Variants in C11orf65 observed in about 807,000 individuals in gnomAD.
C11orf65 encodes the protein chromosome 11 open reading frame 65, also known as protein MFI.
Under a neutral mutation model 35.3 loss-of-function variants are expected in C11orf65, and 38 were observed. That is an observed-to-expected ratio of 1.08 (90% confidence interval 0.83 to 1.41). C11orf65 has a LOEUF of 1.41. Ranked by LOEUF, C11orf65 falls within the 40% of genes most tolerant of loss-of-function variation. The probability of loss-of-function intolerance (pLI) is 0.00; values close to 1 mark genes in which losing one functional copy is unlikely to be tolerated. For synonymous variants in C11orf65, 105 were observed against 114.4 expected (o/e 0.92, Z 0.53); for missense variants, 370 against 367.1 (o/e 1.01, Z -0.06).
At chr11:108,374,375 C>G (rs971833408) in intron 2 of C11orf65, among the ~76,000 whole-genome samples, 2 of 151,864 alleles carry the variant, frequency 1.3e-5, no homozygotes, top group Admixed American at 6.6e-5. Flanking sequence ...CCCAGGTAAA[C>G]AGGGTCTGGA....
intron 6 of C11orf65, among the ~76,000 whole-genome samples, chr11:108,314,742 T>C (rs970040295): frequency 1.3e-5 from 2 of 152,170 alleles, no homozygotes; most frequent in African/African-American, 4.8e-5. Flanking sequence ...ACCGATGATA[T>C]AAACAACACA....
chr11:108,356,261 C>T (rs538946504), intron 2 of C11orf65, among the ~76,000 whole-genome samples: 3 of 152,186 alleles, frequency 2.0e-5, no homozygotes, highest in East Asian at 1.9e-4. Flanking sequence ...GAGGGCTGGG[C>T]GCGGTGGCTC....
intron 6 of C11orf65, among the ~76,000 whole-genome samples, chr11:108,324,346 A>G (rs1434667384): frequency 6.6e-6 from 1 of 152,048 alleles, no homozygotes; most frequent in Non-Finnish European, 1.5e-5. Flanking sequence ...TACTGTAGTT[A>G]TTTTTCCTAA....
chr11:108,453,705 G>T (rs1036675087), intron 2 of C11orf65, among the ~76,000 whole-genome samples: 3 of 152,116 alleles, frequency 2.0e-5, no homozygotes, highest in African/African-American at 7.2e-5. Flanking sequence ...TGTTAATGTG[G>T]TCATCGCATT....
chr11:108,386,750 T>C (rs2138323668), intron 7 of C11orf65, among the ~76,000 whole-genome samples: 1 of 152,212 alleles, frequency 6.6e-6, no homozygotes, highest in Non-Finnish European at 1.5e-5. Context: ...CAGTAGGTGC[T>C]AAAAGGGAGC....
chr11:108,348,635 C>T (rs2088791848), intron 2 of C11orf65, among the ~76,000 whole-genome samples: 1 of 151,458 alleles, frequency 6.6e-6, no homozygotes, highest in Middle Eastern at 4.2e-3. Flanking sequence ...GTATTAATCA[C>T]TAGGTGATAA....
rs1591778897 is a variant in C11orf65 at position 108,316,054 on chromosome 11, G to C, written c.641-6983C>G. The C allele has an allele frequency of 6.2e-7, 1 of 1,614,158 alleles. No individual in the cohort carries two copies. The highest frequency in any genetic ancestry group is 8.5e-7 in the Non-Finnish European group (1 of 1,180,022). On this transcript the variant is annotated intron_variant, in intron 6 of 6. Coordinates refer to the C11orf65 transcript ENST00000525729. Reference sequence around the variant, plus strand: ...CGAAGCAATGTGGGGCAAAGCCCTAGTAACATATGACCTCGAAACAGCAAT... The same window carrying C: ...CGAAGCAATGTGGGGCAAAGCCCTACTAACATATGACCTCGAAACAGCAAT...
At position 108,442,050 on chromosome 11, in the gene C11orf65, C is replaced by A. The variant is rs11212639; in HGVS notation, c.82-10212G>T. Among the ~76,000 whole-genome samples the A allele has an allele frequency of 6.0e-3, 918 of 152,176 alleles. 6 individuals are homozygous for A. The highest frequency in any genetic ancestry group is 0.011 in the East Asian group (55 of 5,178). On this transcript the variant is annotated intron_variant, in intron 2 of 8. Transcript: ENST00000393084. Reference sequence around the variant, plus strand: ...TCCGAGCTAAAGGAGGATGTTCAAACCTATCACAAAGAAGCTAAAAACCTT... The same window carrying A: ...TCCGAGCTAAAGGAGGATGTTCAAAACTATCACAAAGAAGCTAAAAACCTT...
chr11:108,418,159 GC>G, intron 3 of C11orf65, among the ~76,000 whole-genome samples: 1 of 152,182 alleles, frequency 6.6e-6, no homozygotes, highest in Non-Finnish European at 1.5e-5. Context: ...CATAGTGGAA[GC>G]TTTTAATACA....
chr11:108,321,541 A>G, intron 6 of C11orf65: 9 of 1,420,944 alleles, frequency 6.3e-6, no homozygotes, highest in South Asian at 1.2e-5. Context: ...CTAGCACTTT[A>G]GAAGGCTGAA....
intron 3 of C11orf65, chr11:108,331,657 T>C: frequency 2.1e-6 from 3 of 1,413,960 alleles, no homozygotes; most frequent in Non-Finnish European, 9.4e-7. Flanking sequence ...GAAATGGAAA[T>C]ACAAAATTTT....
chr11:108,352,287 T>C (rs2089302973), intron 2 of C11orf65, among the ~76,000 whole-genome samples: 1 of 152,198 alleles, frequency 6.6e-6, no homozygotes, highest in Non-Finnish European at 1.5e-5. Context: ...AATTAAAATA[T>C]AGTAAGTCTC....
At chr11:108,415,697 C>A (rs2092720480) in intron 3 of C11orf65, among the ~76,000 whole-genome samples, 1 of 152,112 alleles carries the variant, frequency 6.6e-6, no homozygotes, top group Non-Finnish European at 1.5e-5. Flanking sequence ...TTGACACCAC[C>A]CAACTTCAAG....
At chr11:108,375,536 A>C (rs1430740957) in intron 2 of C11orf65, among the ~76,000 whole-genome samples, 1 of 151,978 alleles carries the variant, frequency 6.6e-6, no homozygotes, top group Non-Finnish European at 1.5e-5. Flanking sequence ...AAATCATGCC[A>C]AAATGTAAAG....
chr11:108,392,381 T>G (rs1053354674), intron 7 of C11orf65, among the ~76,000 whole-genome samples: 2 of 151,822 alleles, frequency 1.3e-5, no homozygotes, highest in African/African-American at 4.8e-5. Flanking sequence ...ATTGGATAGA[T>G]CTATCATATT....
chr11:108,397,338 CAT>C (rs2092338706), intron 6 of C11orf65, among the ~76,000 whole-genome samples: 1 of 147,402 alleles, frequency 6.8e-6, no homozygotes, highest in Non-Finnish European at 1.5e-5. Flanking sequence ...AAAAAAAAGA[CAT>C]AAAATTTGTC....
intron 3 of C11orf65, among the ~76,000 whole-genome samples, chr11:108,424,540 T>C (rs768454646): frequency 6.6e-6 from 1 of 152,142 alleles, no homozygotes; most frequent in African/African-American, 2.4e-5. Context: ...CAAGGAGACT[T>C]AGACTCCCAC....
At chr11:108,459,980 G>A (rs1284025561) in intron 2 of C11orf65, among the ~76,000 whole-genome samples, 1 of 150,370 alleles carries the variant, frequency 6.7e-6, no homozygotes, top group Non-Finnish European at 1.5e-5. Context: ...AGTTTTAAAA[G>A]AAGATTAGCT....
At chr11:108,327,796 G>C (rs1274849459), downstream of C11orf65, 1 of 1,392,516 alleles carries the variant, frequency 7.2e-7, no homozygotes, top group African/African-American at 1.4e-5. Flanking sequence ...TAGTTACTTA[G>C]CATGAATATG....
Sources: allele counts gnomAD v4.1 joint callset (sites outside exome capture counted in the v4.1 genomes callset), GRCh38; gene constraint gnomAD v4.1.1; transcripts MANE v1.5; gene names NCBI Gene and HGNC (gene_info 2026-07-23, HGNC 2026-07-21).